GRID2: variants seen among roughly 807,000 people sequenced by gnomAD.
GRID2 encodes the protein glutamate receptor ionotropic, delta-2.
In GRID2, 33 loss-of-function variants were observed where a neutral mutation model predicts 114.8. The observed-to-expected ratio is 0.29, with a 90% CI of 0.22 to 0.38. GRID2 has a LOEUF of 0.38. Ranked by LOEUF, GRID2 falls within the 10% of genes least tolerant of loss-of-function variation. The pLI, the probability that GRID2 is intolerant of heterozygous loss-of-function variation, is 1.00. For missense variants in GRID2, 1,184 were observed against 1,257.7 expected, an observed-to-expected ratio of 0.94 and a Z score of 0.89; for synonymous variants, 505 against 449.9, an observed-to-expected ratio of 1.12 and a Z score of -1.55.
At chr4:93,738,133 G>C (rs1372792168) in intron 14 of GRID2, among the ~76,000 whole-genome samples, 1 of 152,080 alleles carries the variant, frequency 6.6e-6, no homozygotes, top group Non-Finnish European at 1.5e-5. Context: ...AGCTATTCTA[G>C]ACAGAGGAAA....
intron 14 of GRID2, among the ~76,000 whole-genome samples, chr4:93,766,652 T>C (rs1733702084): frequency 6.6e-6 from 1 of 152,234 alleles, no homozygotes; most frequent in Non-Finnish European, 1.5e-5. Flanking sequence ...TTGCCTTTTA[T>C]ATCTACAAGT....
At chr4:93,132,336 C>T (rs892379054) in intron 4 of GRID2, among the ~76,000 whole-genome samples, 22 of 152,178 alleles carry the variant, frequency 1.4e-4, no homozygotes, top group Admixed American at 6.5e-5. Flanking sequence ...GCATGAAACA[C>T]TTTCTTTTTA....
chr4:93,476,893 GAAAT>G (rs952761388), intron 11 of GRID2, among the ~76,000 whole-genome samples: 35 of 151,988 alleles, frequency 2.3e-4, no homozygotes, highest in Non-Finnish European at 4.7e-4. Flanking sequence ...AACAGAAAAA[GAAAT>G]AAACAAATAC....
intron 2 of GRID2, among the ~76,000 whole-genome samples, chr4:92,673,433 T>C (rs185766879): frequency 1.3e-3 from 196 of 152,324 alleles, no homozygotes; most frequent in Non-Finnish European, 2.2e-3. Context: ...AACAACACTT[T>C]TAAAATTTAA....
intron 4 of GRID2, among the ~76,000 whole-genome samples, chr4:93,119,797 G>C (rs1733612164): frequency 6.6e-6 from 1 of 152,154 alleles, no homozygotes; most frequent in Non-Finnish European, 1.5e-5. Context: ...GGAAACAAGG[G>C]AAGGTAGCTT....
At chr4:92,854,867 C>G (rs1744069487) in intron 2 of GRID2, among the ~76,000 whole-genome samples, 1 of 151,950 alleles carries the variant, frequency 6.6e-6, no homozygotes, top group African/African-American at 2.4e-5. Flanking sequence ...TTTTGCCAAT[C>G]TCTTTGCCAT....
rs202212906 is a variant in GRID2, at chr4:93,515,275, C to T, written c.2057C>T (p.Ala686Val). The change falls in exon 13 of 16, where the codon GCG becomes GTG. Residue 686 changes from alanine to valine, a missense_variant. Around this residue, in one of 3 missense-constraint regions of GRID2, gnomAD observed 717 missense variants for 796.9 expected, o/e 0.90. Transcript: ENST00000282020. ...CCTTATGGCACAGTCCTAGACTCTG[C>T]GGTATATGAGCATGTCCGCATGAAA... ...EIPYGTVLDS[A>V]VYEHVRMKGL... 8.1e-5 allele frequency: 130 copies of T among 1,609,918 alleles called. 1 individual carries two copies. In the South Asian group the frequency reaches 1.0e-3, roughly 13 times the overall value.
intron 1 of GRID2, among the ~76,000 whole-genome samples, chr4:92,344,095 G>C (rs1727645906): frequency 6.6e-6 from 1 of 152,122 alleles, no homozygotes; most frequent in African/African-American, 2.4e-5. Context: ...GATCTGTGCA[G>C]TTCAAACCTG....
intron 2 of GRID2, among the ~76,000 whole-genome samples, chr4:92,637,567 T>C (rs960638125): frequency 2.0e-5 from 3 of 152,078 alleles, no homozygotes; most frequent in African/African-American, 7.2e-5. Flanking sequence ...AATGTGAATT[T>C]CTAATAAGAC....
intron 2 of GRID2, among the ~76,000 whole-genome samples, chr4:92,734,568 A>C (rs756108465): frequency 3.1e-4 from 47 of 151,202 alleles, no homozygotes; most frequent in African/African-American, 8.5e-4. Flanking sequence ...ACAGGCATGA[A>C]CCACCTCGCC....
intron 7 of GRID2, among the ~76,000 whole-genome samples, chr4:93,236,397 G>T (rs1477124397): frequency 6.6e-6 from 1 of 151,916 alleles, no homozygotes; most frequent in Non-Finnish European, 1.5e-5. Context: ...TCCAAGGAAG[G>T]TTTCATAGGT....
At chr4:93,422,733 A>G in intron 9 of GRID2, 38 bp from the exon 10 acceptor site, 1 of 1,297,320 alleles carries the variant, frequency 7.7e-7, no homozygotes, top group Non-Finnish European at 1.1e-6. Context: ...AGGGAGCACT[A>G]TAGATTGACA....
At chr4:93,595,351 A>G (rs1738970558) in intron 13 of GRID2, among the ~76,000 whole-genome samples, 1 of 152,116 alleles carries the variant, frequency 6.6e-6, no homozygotes, top group African/African-American at 2.4e-5. Context: ...GCATTACATA[A>G]TCTTTTCACA....
intron 4 of GRID2, among the ~76,000 whole-genome samples, chr4:93,139,648 T>A (rs1735577211): frequency 6.6e-6 from 1 of 152,058 alleles, no homozygotes. Flanking sequence ...CCCGGAAGAC[T>A]TTTCCCTTAC....
chr4:93,259,962 A>G (rs568825028), intron 8 of GRID2, among the ~76,000 whole-genome samples: 13 of 151,882 alleles, frequency 8.6e-5, no homozygotes, highest in South Asian at 8.3e-4. Flanking sequence ...CTTATTGCCC[A>G]TGTGATATTA....
chr4:92,859,478 C>A (rs1189492668), intron 2 of GRID2, among the ~76,000 whole-genome samples: 2 of 152,090 alleles, frequency 1.3e-5, no homozygotes, highest in African/African-American at 4.8e-5. Flanking sequence ...TGACCCTATT[C>A]TTTTATTTTA....
chr4:92,651,330 T>C (rs1385551304), intron 2 of GRID2, among the ~76,000 whole-genome samples: 1 of 152,016 alleles, frequency 6.6e-6, no homozygotes, highest in East Asian at 1.9e-4. Context: ...AGATTGCGTA[T>C]ACAACAGTGG....
chr4:93,772,334 T>A lies in GRID2; in HGVS notation c.2860T>A (p.Phe954Ile). ...AGCTAAAGCTGCTTCTGGTTTCACT[T>A]TTGGCAACGTGCCTGAGCACCGAAC... ...LSAKAASGFTFGNVPEHRTGP... is the reference protein window; with the variant it reads ...LSAKAASGFTIGNVPEHRTGP... The change falls in exon 16 of 16, where the codon TTT becomes ATT. Residue 954 changes from phenylalanine (F) to isoleucine (I), a missense_variant. This residue lies in a region of GRID2 where 717 missense variants were observed against 796.9 expected (regional missense o/e 0.90). Transcript: ENST00000282020. 6.2e-7 allele frequency: 1 copy of A among 1,614,110 alleles called. No individual in the cohort carries two copies. The highest frequency in any genetic ancestry group is 8.5e-7 in the Non-Finnish European group (1 of 1,180,004).
Position 93,083,550 on chromosome 4 carries a change from G to A in GRID2, c.245-1445G>A, listed in dbSNP as rs181135153. Among the ~76,000 whole-genome samples the A allele has an allele frequency of 5.3e-5, 8 of 151,946 alleles. No individual in the cohort carries two copies. In the East Asian group the frequency reaches 9.8e-4, roughly 19 times the overall value. On this transcript the variant is annotated intron_variant, in intron 2 of 15. Transcript: ENST00000282020. Reference sequence around the variant, plus strand: ...CTACTAAAAACACACAAAAAAATCAGCTGGGCTTGGTGGCACAGGCCTGTA... The same window carrying A: ...CTACTAAAAACACACAAAAAAATCAACTGGGCTTGGTGGCACAGGCCTGTA...
Sources: gnomAD v4.1 joint callset for allele counts (sites outside exome capture counted in the v4.1 genomes callset) on GRCh38, gnomAD v4.1.1 for gene constraint, gnomAD v4.1.1 regional missense constraint, MANE v1.5 for transcripts, NCBI Gene and HGNC (gene_info 2026-07-23, HGNC 2026-07-21) for gene names.